Variants in PDE3B observed in about 807,000 individuals in gnomAD.
PDE3B encodes cGMP-inhibited 3',5'-cyclic phosphodiesterase 3B.
Under a neutral mutation model 116.8 loss-of-function variants are expected in PDE3B, and 66 were observed. The observed-to-expected ratio is 0.56, with a 90% CI of 0.46 to 0.69. The LOEUF (loss-of-function observed/expected upper bound fraction) is 0.69, where lower values mean the gene tolerates loss of function less well. PDE3B is among the 30% of genes least tolerant of loss of function. The probability of loss-of-function intolerance (pLI) is 0.00; values close to 1 mark genes in which losing one functional copy is unlikely to be tolerated. For missense variants in PDE3B, 1,384 were observed against 1,368.1 expected (o/e 1.01, Z -0.18); for synonymous variants, 595 against 533.6 (o/e 1.12, Z -1.59).
intron 1 of PDE3B, among the ~76,000 whole-genome samples, chr11:14,723,344 C>T (rs374190856): frequency 8.3e-4 from 126 of 152,274 alleles, no homozygotes; most frequent in African/African-American, 2.8e-3. Flanking sequence ...GGAGACAGAA[C>T]CTCAGATCTC....
At chr11:14,785,460 T>C (rs1000582676) in intron 2 of PDE3B, among the ~76,000 whole-genome samples, 6 of 152,234 alleles carry the variant, frequency 3.9e-5, no homozygotes, top group African/African-American at 1.4e-4. Context: ...CCAAAATGTA[T>C]TGGGGATACT....
At chr11:14,830,126 T>G (rs1859828751) in intron 7 of PDE3B, among the ~76,000 whole-genome samples, 1 of 152,140 alleles carries the variant, frequency 6.6e-6, no homozygotes, top group South Asian at 2.1e-4. Flanking sequence ...TCGATAGGTT[T>G]TGGGTAATTT....
At position 14,869,672 on chromosome 11, in the gene PDE3B, G is replaced by C. The variant is rs1310759986; in HGVS notation, c.*12G>C. 6 of 1,609,572 alleles carry C rather than the reference G, an allele frequency of 3.7e-6. No homozygotes were observed. The African/African-American group carries it at 8.0e-5, about 22-fold the overall frequency. ...ATGAAGAGGAATAGCGACAGTTTGA[G>C]TAAAAGAAAAGTCATATTGAAGAAG... On this transcript the variant is annotated 3_prime_UTR_variant, in exon 16 of 16. Transcript: ENST00000282096.
At chr11:14,877,060 A>G in the PDE3B span, among the ~76,000 whole-genome samples, 88 of 152,294 alleles carry the variant, frequency 5.8e-4, no homozygotes, top group African/African-American at 1.7e-3. Flanking sequence ...TGAGGCTGCA[A>G]CTATTCATGA....
At chr11:14,791,147 T>C (rs527955194) in intron 4 of PDE3B, among the ~76,000 whole-genome samples, 123 of 152,242 alleles carry the variant, frequency 8.1e-4, no homozygotes, top group African/African-American at 2.6e-3. Context: ...GCTCTAGATC[T>C]TTAATGCGTA....
intron 1 of PDE3B, among the ~76,000 whole-genome samples, chr11:14,661,908 C>T (rs185729654): frequency 6.6e-6 from 1 of 152,222 alleles, no homozygotes; most frequent in Non-Finnish European, 1.5e-5. Context: ...ACGCAGTAAC[C>T]TCTGCAGACT....
chr11:14,674,957 C>T (rs1854487183), intron 1 of PDE3B, among the ~76,000 whole-genome samples: 1 of 152,178 alleles, frequency 6.6e-6, no homozygotes, highest in Non-Finnish European at 1.5e-5. Flanking sequence ...AACTCTTGCT[C>T]ACCAAAGGGC....
intron 7 of PDE3B, among the ~76,000 whole-genome samples, chr11:14,820,675 G>C (rs1859490046): frequency 6.6e-6 from 1 of 152,056 alleles, no homozygotes; most frequent in Non-Finnish European, 1.5e-5. Flanking sequence ...GAGGTAATTA[G>C]GTCATGAAGG....
At chr11:14,812,584 A>G (rs1245648578) in intron 5 of PDE3B, among the ~76,000 whole-genome samples, 2 of 152,228 alleles carry the variant, frequency 1.3e-5, no homozygotes, top group African/African-American at 4.8e-5. Context: ...AAAAGAAAGA[A>G]GAAAACATGA....
At chr11:14,858,463 T>G (rs982602926) in intron 12 of PDE3B, among the ~76,000 whole-genome samples, 2 of 152,146 alleles carry the variant, frequency 1.3e-5, no homozygotes, top group African/African-American at 2.4e-5. Context: ...CCACACCATT[T>G]GAACCAGAGG....
At chr11:14,781,717 A>G (rs1858009469) in intron 2 of PDE3B, among the ~76,000 whole-genome samples, 2 of 152,218 alleles carry the variant, frequency 1.3e-5, no homozygotes, top group Admixed American at 6.5e-5. Flanking sequence ...CTGAATGGGC[A>G]AAAACTGGAA....
At chr11:14,796,731 T>G (rs1305123310) in intron 4 of PDE3B, among the ~76,000 whole-genome samples, 1 of 152,224 alleles carries the variant, frequency 6.6e-6, no homozygotes, top group Non-Finnish European at 1.5e-5. Flanking sequence ...TTCTTGTAAA[T>G]TTGTTTAAGT....
intron 14 of PDE3B, among the ~76,000 whole-genome samples, chr11:14,862,353 C>A (rs1555007320): frequency 6.6e-6 from 1 of 152,126 alleles, no homozygotes; most frequent in Admixed American, 6.6e-5. Flanking sequence ...GATTCTGTAA[C>A]CTAGAAGAAT....
At chr11:14,849,491 T>A (rs974702132) in intron 12 of PDE3B, among the ~76,000 whole-genome samples, 35 of 151,940 alleles carry the variant, frequency 2.3e-4, no homozygotes, top group African/African-American at 8.0e-4. Context: ...ACAAATGGGA[T>A]CTAATTAAAC....
intron 5 of PDE3B, among the ~76,000 whole-genome samples, chr11:14,811,851 C>T (rs1409004343): frequency 1.3e-5 from 2 of 152,102 alleles, no homozygotes; most frequent in Non-Finnish European, 2.9e-5. Context: ...TGAAGAGGTC[C>T]CTCACGTCCC....
intron 1 of PDE3B, among the ~76,000 whole-genome samples, chr11:14,663,862 C>T (rs1394107133): frequency 6.6e-6 from 1 of 152,006 alleles, no homozygotes; most frequent in East Asian, 1.9e-4. Flanking sequence ...ATCAACAAGA[C>T]AGAAAGTTAA....
At chr11:14,887,270 G>C in the PDE3B span, 1 of 152,200 alleles carries the variant, frequency 6.6e-6, no homozygotes, top group Non-Finnish European at 1.5e-5. Flanking sequence ...AGAGCTTCAG[G>C]GTAGAGCTTC....
chr11:14,724,505 C>G (rs1856225168), intron 1 of PDE3B, among the ~76,000 whole-genome samples: 1 of 152,096 alleles, frequency 6.6e-6, no homozygotes, highest in African/African-American at 2.4e-5. Flanking sequence ...AGGTCATGCT[C>G]AAAGGAAATG....
At position 14,831,734 on chromosome 11, in the gene PDE3B, T is replaced by A. The variant is rs768823210; in HGVS notation, c.2051T>A (p.Leu684His). ...MSNWNFPIFE[L>H]VEKMGEKSGR... is the part of the protein sequence containing the mutation. ...AACTGGAATTTTCCAATTTTTGAACTTGTAGAAAAGATGGGAGAGAAATCA... is the reference window on the plus strand; with the variant it reads ...AACTGGAATTTTCCAATTTTTGAACATGTAGAAAAGATGGGAGAGAAATCA... The change falls in exon 9 of 16, where the codon CTT (leucine) becomes CAT (histidine). Residue 684 changes from leucine to histidine, a missense_variant. By Grantham distance (99) the Leu-to-His change is moderately conservative (BLOSUM62 -3). Coordinates refer to ENST00000282096, the MANE Select transcript of PDE3B (RefSeq NM_000922.4). 6.2e-7 allele frequency: 1 copy of A among 1,606,526 alleles called. No homozygotes were observed. The highest frequency in any genetic ancestry group is 1.1e-5 in the South Asian group (1 of 90,194).
Sources: gnomAD v4.1 joint callset for allele counts (sites outside exome capture counted in the v4.1 genomes callset) on GRCh38, gnomAD v4.1.1 for gene constraint, MANE v1.5 for transcripts, NCBI Gene and HGNC (gene_info 2026-07-23, HGNC 2026-07-21) for gene names.